The following VGLL4 variants were observed in gnomAD, a reference collection of about 807,000 sequenced individuals.
VGLL4 encodes the protein vestigial like family member 4, also known as transcription cofactor vestigial-like protein 4.
Under a neutral mutation model 21.0 loss-of-function variants are expected in VGLL4, and 7 were observed. The observed-to-expected ratio is 0.33, with a 90% CI of 0.19 to 0.63. The LOEUF (loss-of-function observed/expected upper bound fraction) is 0.63. VGLL4 is among the 20% of genes least tolerant of loss of function. The pLI is 0.78. For synonymous variants in VGLL4, 222 were observed against 173.2 expected (o/e 1.28, Z -2.21); for missense variants, 394 against 425.7 (o/e 0.93, Z 0.66).
chr3:11,702,455 CAAAAAAAAA>C (rs56189603), intron 2 of VGLL4, among the ~76,000 whole-genome samples: 40 of 96,170 alleles, frequency 4.2e-4, no homozygotes, highest in African/African-American at 6.1e-4. Context: ...ACTAAAAATA[CAAAAAAAAA>C]AAAAAAAAAA....
chr3:11,573,380 A>G (rs1351021108), intron 2 of VGLL4, among the ~76,000 whole-genome samples: 1 of 147,472 alleles, frequency 6.8e-6, no homozygotes, highest in Non-Finnish European at 1.5e-5. Flanking sequence ...AGAAAGAAAG[A>G]AAGAAAGAAA....
intron 2 of VGLL4, among the ~76,000 whole-genome samples, chr3:11,664,844 CAA>C (rs1010149119): frequency 3.9e-5 from 6 of 152,008 alleles, no homozygotes; most frequent in African/African-American, 1.4e-4. Context: ...ATATGTATGA[CAA>C]AGAGTAAAAA....
chr3:11,686,200 A>G (rs2076446214), intron 2 of VGLL4, among the ~76,000 whole-genome samples: 1 of 152,222 alleles, frequency 6.6e-6, no homozygotes, highest in Non-Finnish European at 1.5e-5. Context: ...AAGAACTGAA[A>G]GCAGGCTCTC....
At chr3:11,604,698 G>T in intron 1 of VGLL4, 1 of 263,044 alleles carries the variant, frequency 3.8e-6, no homozygotes, top group Non-Finnish European at 5.7e-6. Flanking sequence ...CCCTCTCTGG[G>T]CCTCCCTCCA....
At chr3:11,713,366 A>G (rs1184642032) in intron 1 of VGLL4, among the ~76,000 whole-genome samples, 2 of 151,996 alleles carry the variant, frequency 1.3e-5, no homozygotes, top group African/African-American at 4.8e-5. Flanking sequence ...GGCATGTCCC[A>G]AGCAGGTATA....
chr3:11,567,589 A>G (rs1024547314), intron 2 of VGLL4, among the ~76,000 whole-genome samples: 1 of 152,176 alleles, frequency 6.6e-6, no homozygotes, highest in Non-Finnish European at 1.5e-5. Context: ...CCTGTCCATA[A>G]TGTCATCTGT....
Position 11,584,642 on chromosome 3 carries a change from T to C in VGLL4, c.272+17191A>G, listed in dbSNP as rs549836127. Among the ~76,000 whole-genome samples the C allele has an allele frequency of 7.2e-5, 11 of 152,236 alleles. No individual in the cohort carries two copies. The South Asian group carries it at 2.3e-3, about 32-fold the overall frequency. On this transcript the variant is annotated intron_variant, in intron 2 of 4. Coordinates refer to ENST00000430365, the MANE Select transcript of VGLL4 (RefSeq NM_001128219.3). ...AGTTCTGCAAATGACAGTAAAACAA[T>C]GTAAACAACCCAAATATCTGTATTT...
chr3:11,611,363 G>A (rs1221032067), intron 1 of VGLL4, among the ~76,000 whole-genome samples: 1 of 152,190 alleles, frequency 6.6e-6, no homozygotes, highest in African/African-American at 2.4e-5. Flanking sequence ...CACCATGCGA[G>A]GATATGGGAG....
At chr3:11,623,935 T>C (rs1349198540) in intron 1 of VGLL4, among the ~76,000 whole-genome samples, 1 of 151,486 alleles carries the variant, frequency 6.6e-6, no homozygotes, top group East Asian at 1.9e-4. Flanking sequence ...AGAGATGGGG[T>C]TTTACCATGT....
At chr3:11,561,120 A>G (rs1181593214) in intron 3 of VGLL4, among the ~76,000 whole-genome samples, 1 of 142,620 alleles carries the variant, frequency 7.0e-6, no homozygotes, top group African/African-American at 2.8e-5. Flanking sequence ...CTTGGGCTCT[A>G]GGAGACCCCC....
intron 4 of VGLL4, 57 bp from the exon 5 acceptor site, chr3:11,558,884 A>G: frequency 6.3e-7 from 1 of 1,582,354 alleles, no homozygotes; most frequent in South Asian, 1.1e-5. Context: ...ACAGACAGGC[A>G]CGGTTGCAGC....
Position 11,674,910 on chromosome 3 carries a change from T to G in VGLL4, c.64+28061A>C, listed in dbSNP as rs143457763. ...CTAAGGAATACAACTGGAATGACAC[T>G]CTTTGGCATTCAGAAAGTGTAGTCT... On this transcript the variant is annotated intron_variant, in intron 2 of 5. Coordinates refer to the VGLL4 transcript ENST00000273038. Among the ~76,000 whole-genome samples the G allele has an allele frequency of 9.9e-3, 1,506 of 152,338 alleles. 25 individuals are homozygous for G. The highest frequency in any genetic ancestry group is 0.034 in the African/African-American group (1,414 of 41,580).
intron 1 of VGLL4, among the ~76,000 whole-genome samples, chr3:11,620,797 C>T (rs1051496716): frequency 2.0e-5 from 3 of 152,178 alleles, no homozygotes; most frequent in Non-Finnish European, 4.4e-5. Flanking sequence ...CCGACCGTCC[C>T]ACCCTGTGTG....
At chr3:11,635,848 CCTG>C (rs1457590932) in intron 1 of VGLL4, among the ~76,000 whole-genome samples, 5 of 152,186 alleles carry the variant, frequency 3.3e-5, no homozygotes, top group African/African-American at 1.2e-4. Flanking sequence ...GAACTTAAAG[CCTG>C]GCACAGCTGC....
chr3:11,638,820 G>A (rs893956061), intron 1 of VGLL4, among the ~76,000 whole-genome samples: 2 of 152,108 alleles, frequency 1.3e-5, no homozygotes, highest in Non-Finnish European at 2.9e-5. Flanking sequence ...CCACTCAACC[G>A]CTGGTGGTTA....
At chr3:11,561,810 TCAGA>T (rs1304743722) in intron 3 of VGLL4, among the ~76,000 whole-genome samples, 2 of 149,826 alleles carry the variant, frequency 1.3e-5, no homozygotes, top group South Asian at 2.1e-4. Flanking sequence ...GTGACTGTCC[TCAGA>T]CAGAGGCTGC....
At chr3:11,574,785 A>ATGTGTG (rs375691226) in intron 2 of VGLL4, among the ~76,000 whole-genome samples, 9,383 of 121,616 alleles carry the variant, frequency 0.077, 493 homozygotes, top group East Asian at 0.12. Context: ...TCAACTATAT[A>ATGTGTG]TGTGTGTGTG....
intron 2 of VGLL4, among the ~76,000 whole-genome samples, chr3:11,577,001 C>T (rs763629694): frequency 1.1e-4 from 17 of 152,238 alleles, no homozygotes; most frequent in East Asian, 5.8e-4. Context: ...ATGAGCCAAC[C>T]GAAAACTAAA....
In VGLL4 at chr3:11,557,867, C is replaced by G. The variant is rs1329246661; in HGVS notation, c.*689G>C. 2 of 152,090 alleles carry G rather than the reference C, an allele frequency of 1.3e-5. No individual in the cohort carries two copies. The highest frequency in any genetic ancestry group is 2.9e-5 in the Non-Finnish European group (2 of 68,138). 9.4% of individuals were successfully genotyped at this position (152,090 alleles called of 1,614,324 possible). ...CAGTCCAGTTGCAAGCACCTGAAATCTAGAGAGAGAAAGACCTATAACCTG... is the reference window on the plus strand; with the variant it reads ...CAGTCCAGTTGCAAGCACCTGAAATGTAGAGAGAGAAAGACCTATAACCTG... On this transcript the variant is annotated 3_prime_UTR_variant, in exon 5 of 5. Coordinates refer to ENST00000430365, the MANE Select transcript of VGLL4 (RefSeq NM_001128219.3).
Sources: gnomAD v4.1 joint callset for allele counts (sites outside exome capture counted in the v4.1 genomes callset) on GRCh38, gnomAD v4.1.1 for gene constraint, MANE v1.5 for transcripts, NCBI Gene and HGNC (gene_info 2026-07-23, HGNC 2026-07-21) for gene names.